NRXN1: variants seen among roughly 807,000 people sequenced by gnomAD.
The protein encoded by NRXN1 is neurexin-1.
In NRXN1, 39 loss-of-function variants were observed where a neutral mutation model predicts 150.9. That is an observed-to-expected ratio of 0.26 (90% CI 0.20 to 0.34). The LOEUF is 0.34. Among genes scored for constraint, NRXN1 ranks in the 10% least tolerant of loss-of-function variants. The pLI is 1.00. For missense variants in NRXN1, 1,815 were observed against 1,949.9 expected (o/e 0.93, Z 1.30); for synonymous variants, 924 against 757.0 (o/e 1.22, Z -3.62).
intron 21 of NRXN1, chr2:50,023,123 C>A (rs537985047): frequency 6.6e-6 from 1 of 152,288 alleles, no homozygotes; most frequent in South Asian, 2.1e-4. Context: ...ATATACATGT[C>A]TGACTCCATA....
chr2:50,113,350 T>A (rs1702622410), intron 18 of NRXN1, among the ~76,000 whole-genome samples: 1 of 152,212 alleles, frequency 6.6e-6, no homozygotes, highest in Non-Finnish European at 1.5e-5. Context: ...TAAAGCTTTT[T>A]GAGCACTCCA....
At chr2:50,835,359 G>A (rs1023093455) in intron 5 of NRXN1, among the ~76,000 whole-genome samples, 4 of 152,030 alleles carry the variant, frequency 2.6e-5, no homozygotes, top group Non-Finnish European at 4.4e-5. Context: ...CTTTACTTTC[G>A]ATTTCTTATG....
rs115619038 is a variant in NRXN1, at chr2:50,934,467, A to G, written c.773-8512T>C. Among the ~76,000 whole-genome samples, 139 of 152,236 alleles carry G rather than the reference A, an allele frequency of 9.1e-4. 1 individual carries two copies. The highest frequency in any genetic ancestry group is 3.2e-3 in the African/African-American group (131 of 41,542). ...TTCTAACTGCATGATTGAATATGTA[A>G]CCACAGAGACATATGGCATATTTCT... On this transcript the variant is annotated intron_variant, in intron 2 of 22. Coordinates refer to ENST00000401669, the MANE Select transcript of NRXN1 (RefSeq NM_001330078.2).
intron 6 of NRXN1, among the ~76,000 whole-genome samples, chr2:50,622,044 G>A (rs956034897): frequency 2.0e-5 from 3 of 151,964 alleles, no homozygotes; most frequent in African/African-American, 7.3e-5. Flanking sequence ...GTGCATATCT[G>A]AGAGAAAAAA....
intron 5 of NRXN1, among the ~76,000 whole-genome samples, chr2:50,762,447 A>G (rs973105050): frequency 6.6e-6 from 1 of 151,860 alleles, no homozygotes; most frequent in Non-Finnish European, 1.5e-5. Context: ...TCAGGTAGTA[A>G]GCATAGTGCC....
intron 5 of NRXN1, among the ~76,000 whole-genome samples, chr2:50,788,627 G>C (rs1386186412): frequency 6.6e-6 from 1 of 151,980 alleles, no homozygotes; most frequent in Non-Finnish European, 1.5e-5. Flanking sequence ...GAGAGAAAGA[G>C]AGAGACAGAA....
At chr2:50,411,431 C>T (rs1468035440) in intron 17 of NRXN1, among the ~76,000 whole-genome samples, 1 of 152,188 alleles carries the variant, frequency 6.6e-6, no homozygotes, top group Non-Finnish European at 1.5e-5. Flanking sequence ...AGATTGCAGC[C>T]TCTGCCCGGC....
At chr2:50,809,362 G>A (rs1173081707) in intron 5 of NRXN1, among the ~76,000 whole-genome samples, 2 of 152,014 alleles carry the variant, frequency 1.3e-5, no homozygotes, top group Non-Finnish European at 2.9e-5. Context: ...TCTCGCTAAG[G>A]AATTAATGTC....
chr2:50,674,417 G>A (rs1050724620), intron 5 of NRXN1, among the ~76,000 whole-genome samples: 2 of 152,102 alleles, frequency 1.3e-5, no homozygotes, highest in Admixed American at 6.6e-5. Context: ...AATCAAGGAG[G>A]CCTTCTCTCC....
At chr2:50,913,987 C>T (rs1441733523) in intron 5 of NRXN1, among the ~76,000 whole-genome samples, 1 of 151,694 alleles carries the variant, frequency 6.6e-6, no homozygotes, top group East Asian at 1.9e-4. Flanking sequence ...ATAATGACTA[C>T]GATTGAATGA....
chr2:50,695,887 G>C (rs1269125889), intron 5 of NRXN1, among the ~76,000 whole-genome samples: 2 of 134,870 alleles, frequency 1.5e-5, no homozygotes, highest in African/African-American at 5.7e-5. Context: ...CTTTCACTCA[G>C]GCTGGAGTGC....
chr2:50,032,092 T>C (rs1689259763), intron 21 of NRXN1, among the ~76,000 whole-genome samples: 1 of 152,068 alleles, frequency 6.6e-6, no homozygotes, highest in Non-Finnish European at 1.5e-5. Flanking sequence ...AAAAGTATTT[T>C]GGAGAATAAT....
At chr2:51,001,663 C>T (rs555677278) in intron 2 of NRXN1, among the ~76,000 whole-genome samples, 1 of 152,016 alleles carries the variant, frequency 6.6e-6, no homozygotes, top group South Asian at 2.1e-4. Context: ...AAATAAAATT[C>T]CCACAATTCA....
chr2:50,399,809 A>ATTCTC (rs1350252280), intron 17 of NRXN1, among the ~76,000 whole-genome samples: 1 of 21,938 alleles, frequency 4.6e-5, no homozygotes, highest in African/African-American at 2.2e-4. Context: ...AAAAAAAAAA[A>ATTCTC]AAAAAAAAAA....
intron 19 of NRXN1, among the ~76,000 whole-genome samples, chr2:50,082,343 A>C (rs1698091787): frequency 6.6e-6 from 1 of 152,198 alleles, no homozygotes; most frequent in Non-Finnish European, 1.5e-5. Context: ...GACCAGTATA[A>C]CCCTTCATTA....
intron 17 of NRXN1, among the ~76,000 whole-genome samples, chr2:50,342,694 G>A (rs1157007879): frequency 6.6e-6 from 1 of 152,202 alleles, no homozygotes; most frequent in African/African-American, 2.4e-5. Flanking sequence ...GAAGCAAAAC[G>A]CTGGACCATG....
chr2:50,104,437 A>G (rs1258677400), intron 18 of NRXN1, among the ~76,000 whole-genome samples: 1 of 152,044 alleles, frequency 6.6e-6, no homozygotes, highest in African/African-American at 2.4e-5. Flanking sequence ...CAGAAACATC[A>G]TTCTAAGGCC....
intron 5 of NRXN1, among the ~76,000 whole-genome samples, chr2:50,846,599 G>C (rs1673689810): frequency 6.6e-6 from 1 of 152,140 alleles, no homozygotes; most frequent in African/African-American, 2.4e-5. Context: ...TAAAGAAATA[G>C]CATAGACCAA....
intron 5 of NRXN1, among the ~76,000 whole-genome samples, chr2:50,774,229 A>G (rs1703338531): frequency 6.6e-6 from 1 of 152,168 alleles, no homozygotes; most frequent in Admixed American, 6.6e-5. Context: ...ATCTAAAGCG[A>G]CATTCCTTTT....
Sources: allele counts gnomAD v4.1 joint callset (sites outside exome capture counted in the v4.1 genomes callset), GRCh38; gene constraint gnomAD v4.1.1; transcripts MANE v1.5; gene names NCBI Gene and HGNC (gene_info 2026-07-23, HGNC 2026-07-21).